CACNB2: variants seen among roughly 807,000 people sequenced by gnomAD.
CACNB2 encodes the protein voltage-dependent L-type calcium channel subunit beta-2.
Under a neutral mutation model 73.3 loss-of-function variants are expected in CACNB2, and 42 were observed. The ratio of observed to expected loss-of-function variants is 0.57; its 90% CI spans 0.45 to 0.74. The LOEUF (loss-of-function observed/expected upper bound fraction) is 0.74, where lower values mean the gene tolerates loss of function less well. CACNB2 is among the 30% of genes least tolerant of loss of function. The pLI is 0.00. For synonymous variants in CACNB2, 348 were observed against 310.3 expected (o/e 1.12, Z -1.28); for missense variants, 940 against 853.0 (o/e 1.10, Z -1.27).
intron 2 of CACNB2, among the ~76,000 whole-genome samples, chr10:18,195,333 G>A (rs2034576722): frequency 6.6e-6 from 1 of 152,120 alleles, no homozygotes; most frequent in South Asian, 2.1e-4. Flanking sequence ...CATACCAGTT[G>A]AGGAAATGCT....
chr10:18,161,916 G>A (rs1050710761), intron 2 of CACNB2, among the ~76,000 whole-genome samples: 16 of 151,980 alleles, frequency 1.1e-4, no homozygotes, highest in Non-Finnish European at 1.2e-4. Context: ...GTGACGGAGT[G>A]AGACTCCTTC....
At chr10:18,427,703 G>C (rs1589320309) in intron 3 of CACNB2, among the ~76,000 whole-genome samples, 1 of 151,956 alleles carries the variant, frequency 6.6e-6, no homozygotes, top group East Asian at 1.9e-4. Context: ...GCCAGTTTGG[G>C]CATTATAGCT....
chr10:18,371,101 C>T (rs2042562598), intron 2 of CACNB2, among the ~76,000 whole-genome samples: 1 of 152,088 alleles, frequency 6.6e-6, no homozygotes, highest in African/African-American at 2.4e-5. Flanking sequence ...GTTTGAGTTC[C>T]ACTGTATTAC....
At chr10:18,518,548 C>G in intron 8 of CACNB2, 132 bp downstream of exon 8, 1 of 752,318 alleles carries the variant, frequency 1.3e-6, no homozygotes, top group Non-Finnish European at 2.4e-6. Flanking sequence ...GAGCTCACAG[C>G]AGCAAAGCCT....
Position 18,541,510 on chromosome 10 carries a change from C to T in CACNB2, c.*1786C>T. On this transcript the variant is annotated 3_prime_UTR_variant, in exon 14 of 14. Transcript: ENST00000324631. ...AAGTACCTGGCACTTGAAGTTTGTC[C>T]CAGGAAAATGCCTGTGTATAATTAC... The T allele has an allele frequency of 6.6e-6, 1 of 152,014 alleles. No individual in the cohort carries two copies. The highest frequency in any genetic ancestry group is 1.9e-4 in the East Asian group (1 of 5,194). 9.4% of individuals were successfully genotyped at this position (152,014 alleles called of 1,614,324 possible).
intron 3 of CACNB2, among the ~76,000 whole-genome samples, chr10:18,490,702 T>C (rs1357471179): frequency 6.6e-6 from 1 of 152,318 alleles, no homozygotes; most frequent in Middle Eastern, 3.4e-3. Flanking sequence ...TGGATTTCAA[T>C]AGAATTCCGC....
At chr10:18,267,740 G>T (rs1436674152) in intron 2 of CACNB2, among the ~76,000 whole-genome samples, 4 of 152,230 alleles carry the variant, frequency 2.6e-5, no homozygotes, top group Admixed American at 2.6e-4. Flanking sequence ...GAGCTTGTTG[G>T]TGCATGTTCA....
Position 18,500,940 on chromosome 10 carries a change from C to G in CACNB2, c.585C>G (p.Phe195Leu), listed in dbSNP as rs1237861204. 3.1e-6 allele frequency: 5 copies of G among 1,613,890 alleles called. No individual in the cohort carries two copies. Among genetic ancestry groups the G allele is most frequent in the Non-Finnish European group, 4.2e-6 (5 of 1,179,958 alleles). Residue 195 changes from phenylalanine (F) to leucine (L), a missense_variant, in exon 5 of 14, where the codon TTC (phenylalanine) becomes TTG (leucine). Physicochemically the swap from Phe to Leu is conservative, Grantham distance 22. Coordinates refer to ENST00000324631, the MANE Select transcript of CACNB2 (RefSeq NM_201596.3). ...AACAGAGAGCCAAGCAAGGGAAATT[C>G]TACTCCAGGTATGAGACAGATGTCA... ...QHEQRAKQGKFYSSKSGGNSS... is the reference protein window; with the variant it reads ...QHEQRAKQGKLYSSKSGGNSS...
chr10:18,201,607 A>T lies in CACNB2; in HGVS notation c.213+50632A>T, dbSNP rs555251189. Among the ~76,000 whole-genome samples the T allele has an allele frequency of 2.0e-5, 3 of 152,298 alleles. No individual in the cohort carries two copies. The South Asian group carries it at 6.2e-4, about 32-fold the overall frequency. ...TTTTTAATTGACACATAATAATTTT[A>T]CATATTTATAAGGTACATAGTGATG... On this transcript the variant is annotated intron_variant, in intron 2 of 13. Transcript: ENST00000324631.
chr10:18,167,169 A>G (rs1056446682), intron 2 of CACNB2, among the ~76,000 whole-genome samples: 3 of 152,212 alleles, frequency 2.0e-5, no homozygotes, highest in African/African-American at 7.2e-5. Context: ...ACTGGAGGGT[A>G]TTATCCTGAG....
intron 3 of CACNB2, among the ~76,000 whole-genome samples, chr10:18,429,290 C>G (rs2045759427): frequency 6.6e-6 from 1 of 152,170 alleles, no homozygotes; most frequent in Non-Finnish European, 1.5e-5. Context: ...TATGCAGTCT[C>G]TCTTCCTAAA....
intron 2 of CACNB2, among the ~76,000 whole-genome samples, chr10:18,197,797 G>A (rs550059067): frequency 2.6e-5 from 4 of 152,080 alleles, no homozygotes; most frequent in South Asian, 2.1e-4. Context: ...GTCTCCTGGG[G>A]CGTGAGGCCT....
intron 1 of CACNB2, among the ~76,000 whole-genome samples, chr10:18,148,720 C>T (rs2131018727): frequency 6.6e-6 from 1 of 152,244 alleles, no homozygotes; most frequent in East Asian, 1.9e-4. Flanking sequence ...GGAGGCTGGA[C>T]ATGGTAGCTC....
chr10:18,349,766 G>A (rs971261943), intron 2 of CACNB2, among the ~76,000 whole-genome samples: 7 of 151,960 alleles, frequency 4.6e-5, no homozygotes, highest in Admixed American at 3.3e-4. Context: ...GATGGTGATG[G>A]CTACCCAATA....
intron 2 of CACNB2, chr10:18,260,440 A>G: frequency 1.0e-6 from 1 of 985,426 alleles, no homozygotes; most frequent in South Asian, 4.7e-5. Flanking sequence ...GAAAATGAAC[A>G]TTTGCCAGCG....
At chr10:18,484,198 A>G (rs1363293487) in intron 3 of CACNB2, among the ~76,000 whole-genome samples, 1 of 152,212 alleles carries the variant, frequency 6.6e-6, no homozygotes, top group African/African-American at 2.4e-5. Context: ...GTTCAAGACC[A>G]GCCTGGTCAA....
At chr10:18,152,709 C>T (rs1332122929) in intron 2 of CACNB2, among the ~76,000 whole-genome samples, 3 of 49,352 alleles carry the variant, frequency 6.1e-5, no homozygotes, top group African/African-American at 1.5e-4. Flanking sequence ...TGAAACAGAC[C>T]AAAAAAAAAA....
rs763392905 is a variant in CACNB2, at chr10:18,538,386, T to TATCTA, written c.1488+22_1488+26dup. 11 of 1,604,052 alleles carry TATCTA rather than the reference T, an allele frequency of 6.9e-6. 1 individual carries two copies. In the South Asian group the frequency reaches 1.1e-4, roughly 16 times the overall value. On this transcript the variant is annotated intron_variant, in intron 13 of 13. Coordinates refer to ENST00000324631, the MANE Select transcript of CACNB2 (RefSeq NM_201596.3). ...CACAGGTAAGGGGAGTTTTTATATA[T>TATCTA]ATCTATATATACAATCTTCATAGAA...
chr10:18,280,520 C>G (rs182458382), intron 2 of CACNB2, among the ~76,000 whole-genome samples: 1 of 152,204 alleles, frequency 6.6e-6, no homozygotes, highest in Non-Finnish European at 1.5e-5. Flanking sequence ...AAGGTACTCT[C>G]TTTGAGTGGG....
Sources: gnomAD v4.1 joint callset for allele counts (sites outside exome capture counted in the v4.1 genomes callset) on GRCh38, gnomAD v4.1.1 for gene constraint, MANE v1.5 for transcripts, NCBI Gene and HGNC (gene_info 2026-07-23, HGNC 2026-07-21) for gene names.